PDSS1: variants seen among roughly 807,000 people sequenced by gnomAD.
The protein encoded by PDSS1 is all trans-polyprenyl-diphosphate synthase PDSS1.
A neutral mutation model predicts 57.5 loss-of-function variants in PDSS1; 43 were observed. The ratio of observed to expected loss-of-function variants is 0.75; its 90% confidence interval spans 0.59 to 0.96. PDSS1 has a LOEUF of 0.96. Ranked by LOEUF, PDSS1 falls within the 50% of genes least tolerant of loss-of-function variation. PDSS1 has a pLI of 0.00. For synonymous variants in PDSS1, 175 were observed against 191.3 expected, an observed-to-expected ratio of 0.91 and a Z score of 0.70; for missense variants, 438 against 527.8, an observed-to-expected ratio of 0.83 and a Z score of 1.67.
chr10:26,736,222 A>G (rs1188218231), intron 10 of PDSS1, among the ~76,000 whole-genome samples: 2 of 152,236 alleles, frequency 1.3e-5, no homozygotes, highest in African/African-American at 2.4e-5. Context: ...TCGACTGACA[A>G]AGCAGACATT....
chr10:26,723,660 C>T, intron 6 of PDSS1, 146 bp from the exon 7 acceptor site: 1 of 721,662 alleles, frequency 1.4e-6, no homozygotes. Context: ...GTTACGGACT[C>T]CTGTTGAGGA....
At chr10:26,706,942 G>A (rs1412053821) in intron 4 of PDSS1, among the ~76,000 whole-genome samples, 1 of 152,198 alleles carries the variant, frequency 6.6e-6, no homozygotes, top group Non-Finnish European at 1.5e-5. Context: ...TTATTATTAA[G>A]TGTAGAGTAG....
In PDSS1 at chr10:26,711,179, G is replaced by A. The variant is rs1443523811; in HGVS notation, c.467+1411G>A. ...AGTTTTTAAAATAAATTAATGAAAT[G>A]TCTTCACAATTACATCATATAATCT... is the stretch of plus-strand genomic sequence containing the variant. On this transcript the variant is annotated intron_variant, in intron 5 of 11. Transcript: ENST00000376215. 2.0e-5 allele frequency among the ~76,000 whole-genome samples: 2 copies of A among 99,152 alleles called. 1 individual carries two copies. Among genetic ancestry groups the A allele is most frequent in the African/African-American group, 6.5e-5 (2 of 30,614 alleles). 65.0% of individuals were successfully genotyped at this position (99,152 alleles called of 152,430 possible). A position where few individuals can be genotyped will look rare whatever the true frequency, so the allele number is the denominator to read the frequency against.
intron 10 of PDSS1, 93 bp downstream of exon 10, chr10:26,735,672 A>G (rs1836371714): frequency 3.9e-6 from 3 of 766,924 alleles, no homozygotes; most frequent in Non-Finnish European, 7.1e-6. Flanking sequence ...GCATAAAGGA[A>G]TAGATGGGAA....
At chr10:26,707,612 G>A (rs1051411617) in intron 4 of PDSS1, among the ~76,000 whole-genome samples, 9 of 151,986 alleles carry the variant, frequency 5.9e-5, no homozygotes, top group African/African-American at 1.9e-4. Context: ...GCTTTTCTTC[G>A]GTTCATCACC....
chr10:26,709,402 A>C (rs193157572), intron 4 of PDSS1, among the ~76,000 whole-genome samples: 351 of 152,284 alleles, frequency 2.3e-3, no homozygotes, highest in African/African-American at 8.0e-3. Context: ...TCTACTAAAA[A>C]TACAAAAAAT....
intron 8 of PDSS1, among the ~76,000 whole-genome samples, chr10:26,730,471 T>C (rs75055092): frequency 6.6e-6 from 1 of 151,588 alleles, no homozygotes; most frequent in Non-Finnish European, 1.5e-5. Flanking sequence ...TAGCTGGGTG[T>C]GGTAGTGCAC....
intron 8 of PDSS1, among the ~76,000 whole-genome samples, chr10:26,729,744 T>C (rs1031795293): frequency 5.3e-5 from 8 of 152,202 alleles, no homozygotes; most frequent in African/African-American, 1.7e-4. Flanking sequence ...GGTTGTGTTA[T>C]TATTTGGAAT....
chr10:26,701,280 C>T (rs1354219131), intron 1 of PDSS1, among the ~76,000 whole-genome samples: 2 of 152,228 alleles, frequency 1.3e-5, no homozygotes, highest in African/African-American at 4.8e-5. Flanking sequence ...AAGCTGGCTG[C>T]AGACATTTGC....
rs1023789067 is a variant in PDSS1 at position 26,698,137 on chromosome 10, C to T, written c.129+297C>T. Among the ~76,000 whole-genome samples the T allele has an allele frequency of 2.6e-5, 4 of 151,664 alleles. No individual in the cohort carries two copies. The South Asian group carries it at 8.4e-4, about 32-fold the overall frequency. ...GGTGGGATCCGTGTCCTGGGGGAAG[C>T]GCAGGAGCGATCAGATTGACCGCTG... On this transcript the variant is annotated intron_variant, in intron 1 of 11. Transcript: ENST00000376215.
Position 26,735,549 on chromosome 10 carries a change from C to G in PDSS1, c.996C>G (p.Ala332=). Residue 332 remains alanine, a synonymous_variant, in exon 10 of 12, where the codon GCC becomes GCG. Coordinates refer to ENST00000376215, the MANE Select transcript of PDSS1 (RefSeq NM_014317.5). The stretch of plus-strand genomic sequence containing the variant: ...CAGCTGATCTGAAGCTCGGGTTAGC[C>G]ACTGGTCCTGTCCTGTTTGCCTGTC... ...PTSADLKLGL[A]TGPVLFACQQ... 6.2e-7 allele frequency: 1 copy of G among 1,613,476 alleles called. No individual in the cohort carries two copies. The highest frequency in any genetic ancestry group is 8.5e-7 in the Non-Finnish European group (1 of 1,179,386).
intron 3 of PDSS1, 141 bp from the exon 4 acceptor site, chr10:26,705,145 C>T: frequency 1.5e-5 from 10 of 659,394 alleles, no homozygotes; most frequent in South Asian, 6.9e-5. Context: ...TATGTTTTTC[C>T]AAATTATAAT....
chr10:26,702,321 C>T (rs974447772), intron 2 of PDSS1, 127 bp downstream of exon 2: 5 of 342,306 alleles, frequency 1.5e-5, no homozygotes, highest in South Asian at 2.3e-5. Flanking sequence ...AGGGGCAGAA[C>T]GATATGGTTG....
chr10:26,708,301 A>G (rs1487107968), intron 4 of PDSS1, among the ~76,000 whole-genome samples: 2 of 152,170 alleles, frequency 1.3e-5, no homozygotes. Context: ...ACTCTGACTT[A>G]GTCTTGGAGT....
chr10:26,728,007 C>T (rs540741263), intron 8 of PDSS1, among the ~76,000 whole-genome samples: 7 of 152,250 alleles, frequency 4.6e-5, no homozygotes, highest in Admixed American at 2.0e-4. Flanking sequence ...TACCAGGAGG[C>T]GCGTGCTGTC....
intron 5 of PDSS1, among the ~76,000 whole-genome samples, chr10:26,714,432 G>A (rs1020760430): frequency 5.4e-5 from 8 of 149,354 alleles, no homozygotes; most frequent in South Asian, 2.1e-4. Context: ...CAGAGATTGC[G>A]CCACTGCACT....
At chr10:26,739,792 A>G (rs868432698) in intron 10 of PDSS1, among the ~76,000 whole-genome samples, 1 of 152,214 alleles carries the variant, frequency 6.6e-6, no homozygotes, top group Non-Finnish European at 1.5e-5. Context: ...ACTTGAGGCC[A>G]GGAGTTTGAC....
rs1341614520 is a variant in PDSS1, at chr10:26,744,156, G to A, written c.1107+1579G>A. On this transcript the variant is annotated intron_variant, in intron 11 of 11. Transcript: ENST00000376215. ...CATCATGTAACAAGTATTTCAGGAA[G>A]AAAATAAACAAAAAAGTGGTCACTT... 2.6e-5 allele frequency among the ~76,000 whole-genome samples: 4 copies of A among 152,016 alleles called. No individual in the cohort carries two copies. The South Asian group carries it at 6.2e-4, about 24-fold the overall frequency.
intron 6 of PDSS1, 36 bp downstream of exon 6, chr10:26,720,395 T>A: frequency 7.3e-7 from 1 of 1,379,212 alleles, no homozygotes; most frequent in Non-Finnish European, 1.0e-6. Flanking sequence ...TCTCTCTTAC[T>A]GAATCACACA....
Sources: allele counts gnomAD v4.1 joint callset (sites outside exome capture counted in the v4.1 genomes callset), GRCh38; gene constraint gnomAD v4.1.1; transcripts MANE v1.5; gene names NCBI Gene and HGNC (gene_info 2026-07-23, HGNC 2026-07-21).